Variants in MAGEC3 observed in about 807,000 individuals in gnomAD.
MAGEC3 encodes the protein MAGE family member C3.
MAGEC3 carries 34 observed loss-of-function variants against 35.3 expected under a neutral mutation model. That is an observed-to-expected ratio of 0.96 (90% CI 0.73 to 1.28). The LOEUF is 1.28. Ranked by LOEUF, MAGEC3 falls within the 50% of genes most tolerant of loss-of-function variation. The pLI is 0.00. For synonymous variants in MAGEC3, 202 were observed against 185.6 expected (o/e 1.09, Z -0.72); for missense variants, 561 against 483.6 (o/e 1.16, Z -1.50).
chrX:141,863,509 G>T (rs1346862406), intron 1 of MAGEC3, among the ~76,000 whole-genome samples: 1 of 111,805 alleles, frequency 8.9e-6, no homozygotes, highest in Admixed American at 9.5e-5. Context: ...TTCATCAATT[G>T]CAGTACGTGT....
In MAGEC3 at chrX:141,897,390, C is replaced by T. The variant is rs751217499; in HGVS notation, c.1632C>T (p.Pro544=). The T allele has an allele frequency of 1.5e-5, 18 of 1,210,089 alleles. No homozygotes were observed. Among genetic ancestry groups the T allele is most frequent in the Non-Finnish European group, 2.0e-5 (18 of 895,308 alleles). ...GCCTGATTGATGACCAGGGCATGCC[C>T]AAGAACTGTCTCCTGATTCTTATTC... ...EGSLIDDQGM[P]KNCLLILILS... The change falls in exon 7 of 8, where the codon CCC becomes CCT. Residue 544 remains proline, a synonymous_variant. Coordinates refer to ENST00000298296, the MANE Select transcript of MAGEC3 (RefSeq NM_138702.1).
intron 1 of MAGEC3, among the ~76,000 whole-genome samples, chrX:141,864,144 C>T: frequency 9.1e-6 from 1 of 109,553 alleles, no homozygotes; most frequent in Middle Eastern, 4.7e-3. Context: ...TCATATTTTT[C>T]AGCTTTTGGA....
intron 1 of MAGEC3, among the ~76,000 whole-genome samples, chrX:141,854,695 C>T (rs892743841): frequency 1.8e-4 from 20 of 111,376 alleles, no homozygotes; most frequent in African/African-American, 6.5e-4. Context: ...CCAATTAAAC[C>T]TTATCTTTTG....
At chrX:141,858,549 T>C (rs935111392) in intron 1 of MAGEC3, among the ~76,000 whole-genome samples, 3 of 111,433 alleles carry the variant, frequency 2.7e-5, no homozygotes, top group Non-Finnish European at 3.8e-5. Flanking sequence ...TAATTTTACA[T>C]AAATGCATTA....
rs765969379 is a variant in MAGEC3 at position 141,895,534 on chromosome X, G to A, written c.1098G>A (p.Ala366=). 4.1e-6 allele frequency: 5 copies of A among 1,208,270 alleles called. No homozygotes were observed. The highest frequency in any genetic ancestry group is 3.0e-5 in the East Asian group (1 of 33,685). The change falls in exon 6 of 8, where the codon GCG becomes GCA. Residue 366 remains alanine (A), a synonymous_variant. Coordinates refer to ENST00000298296, the MANE Select transcript of MAGEC3 (RefSeq NM_138702.1). ...QEDGRRGLTE[A]SPQQKKGGED... ...ATGGCCGCCGAGGGCTGACCGAGGC[G>A]TCCCCACAACAGAAGAAGGGAGGAG...
chrX:141,884,997 G>A lies in MAGEC3; in HGVS notation c.909+3201G>A, dbSNP rs749224656. 3.5e-3 allele frequency among the ~76,000 whole-genome samples: 393 copies of A among 111,638 alleles called. 3 individuals carry two copies. Among genetic ancestry groups the A allele is most frequent in the Non-Finnish European group, 5.8e-3 (310 of 53,180 alleles). On this transcript the variant is annotated intron_variant, in intron 4 of 7. Transcript: ENST00000298296. ...TGAAATTTCCACCTTTGTCTGAGGA[G>A]ATAAACCCTGTGCTGCCTGAGTCAA... is the stretch of plus-strand genomic sequence containing the variant.
At chrX:141,848,434 A>G (rs1167487201) in intron 1 of MAGEC3, among the ~76,000 whole-genome samples, 5 of 111,294 alleles carry the variant, frequency 4.5e-5, no homozygotes, top group Non-Finnish European at 9.5e-5. Context: ...GTAAAGTTTC[A>G]GGATACAAAA....
chrX:141,886,162 A>G (rs1198022425), intron 4 of MAGEC3, among the ~76,000 whole-genome samples: 1 of 111,263 alleles, frequency 9.0e-6, no homozygotes, highest in Non-Finnish European at 1.9e-5. Flanking sequence ...GAGCTCTGGC[A>G]TTGGCTGATT....
chrX:141,879,508 G>GC lies in MAGEC3; in HGVS notation c.515+77_515+78insC, dbSNP rs2124114881. On this transcript the variant is annotated intron_variant, in intron 3 of 7. Transcript: ENST00000298296. Reference sequence around the variant, plus strand: ...GGGATACCGAGAGGTGGGCAGGAAGGGGTGGAAAGGGTCGGGGAGGTAGGC... The same window carrying GC: ...GGGATACCGAGAGGTGGGCAGGAAGGCGGTGGAAAGGGTCGGGGAGGTAGGC... 1.5e-5 allele frequency: 16 copies of GC among 1,076,767 alleles called. No individual in the cohort carries two copies. The South Asian group carries it at 3.8e-4, about 25-fold the overall frequency. 88.7% of individuals were successfully genotyped at this position (1,076,767 alleles called of 1,213,427 possible).
At chrX:141,849,561 C>A (rs751333828) in intron 1 of MAGEC3, among the ~76,000 whole-genome samples, 7 of 110,758 alleles carry the variant, frequency 6.3e-5, no homozygotes, top group Non-Finnish European at 1.1e-4. Context: ...GAAAAATCAA[C>A]CCTATTAAAA....
At chrX:141,850,692 G>T (rs1018989747) in intron 1 of MAGEC3, among the ~76,000 whole-genome samples, 3 of 111,444 alleles carry the variant, frequency 2.7e-5, no homozygotes, top group Non-Finnish European at 5.7e-5. Context: ...TGGGCAGTAT[G>T]CCCCAGACAA....
chrX:141,868,918 T>G (rs1296402370), intron 2 of MAGEC3, among the ~76,000 whole-genome samples: 1 of 109,555 alleles, frequency 9.1e-6, no homozygotes, highest in Admixed American at 9.8e-5. Context: ...GTCTCGCTCT[T>G]TCACCCAGGC....
chrX:141,895,204 C>A, intron 4 of MAGEC3, 65 bp from the exon 5 acceptor site: 10 of 1,100,250 alleles, frequency 9.1e-6, no homozygotes, highest in Non-Finnish European at 1.2e-5. Context: ...TGGAAGGAGG[C>A]GGAGAGGTGG....
At chrX:141,840,466 CAT>C (rs1185529245) in intron 1 of MAGEC3, among the ~76,000 whole-genome samples, 3 of 111,784 alleles carry the variant, frequency 2.7e-5, no homozygotes, top group Middle Eastern at 4.6e-3. Flanking sequence ...ATTGGAAAAA[CAT>C]ATAATTACAT....
chrX:141,879,079 C>G (rs1207065034), intron 2 of MAGEC3, 96 bp from the exon 3 acceptor site: 7 of 1,017,510 alleles, frequency 6.9e-6, no homozygotes, highest in Non-Finnish European at 9.1e-6. Context: ...GAAGGCCAGG[C>G]GGTTTCCAGG....
At chrX:141,896,063 C>T in intron 6 of MAGEC3, 1 of 128,392 alleles carries the variant, frequency 7.8e-6, no homozygotes. Context: ...TCTGATGGGA[C>T]CATGCAGTCC....
At position 141,897,772 on chromosome X, in the gene MAGEC3, T is replaced by C. The variant is rs73579873; in HGVS notation, c.1872T>C (p.Asp624=). ...AGGCCATAATTGACACCACAGATGA[T>C]GCTACTGCCATGGCCAGTGCAAGCC... ...RAQAIIDTTD[D]ATAMASASPS... The change falls in exon 8 of 8, where the codon GAT becomes GAC. Residue 624 remains aspartate, a synonymous_variant. Coordinates refer to ENST00000298296, the MANE Select transcript of MAGEC3 (RefSeq NM_138702.1). The C allele has an allele frequency of 2.5e-6, 3 of 1,209,721 alleles. No homozygotes were observed. The highest frequency in any genetic ancestry group is 3.4e-6 in the Non-Finnish European group (3 of 894,674).
intron 3 of MAGEC3, among the ~76,000 whole-genome samples, chrX:141,881,092 ACCT>A (rs2017959832): frequency 9.0e-6 from 1 of 110,586 alleles, no homozygotes; most frequent in Non-Finnish European, 1.9e-5. Flanking sequence ...AGAGGAGAAA[ACCT>A]CCTCCATTTC....
chrX:141,880,271 C>T (rs991127241), intron 3 of MAGEC3, among the ~76,000 whole-genome samples: 1 of 111,673 alleles, frequency 9.0e-6, no homozygotes, highest in Admixed American at 9.4e-5. Flanking sequence ...TGGCTGCCAC[C>T]TCACTACCTC....
Sources: gnomAD v4.1 joint callset for allele counts (sites outside exome capture counted in the v4.1 genomes callset) on GRCh38, gnomAD v4.1.1 for gene constraint, MANE v1.5 for transcripts, NCBI Gene and HGNC (gene_info 2026-07-23, HGNC 2026-07-21) for gene names.